Variants in ITIH5 observed in about 807,000 individuals in gnomAD.
The protein encoded by ITIH5 is inter-alpha-trypsin inhibitor heavy chain 5.
In ITIH5, 65 loss-of-function variants were observed where a neutral mutation model predicts 77.5. The ratio of observed to expected loss-of-function variants is 0.84; its 90% CI spans 0.69 to 1.03. The LOEUF is 1.03. Ranked by LOEUF, ITIH5 falls within the 50% of genes least tolerant of loss-of-function variation. ITIH5 has a pLI of 0.00. For missense variants in ITIH5, 1,208 were observed against 1,213.1 expected (o/e 1.00, Z 0.06); for synonymous variants, 525 against 494.3 (o/e 1.06, Z -0.82).
intron 8 of ITIH5, 73 bp downstream of exon 8, chr10:7,585,825 CAAA>C: frequency 5.6e-4 from 482 of 854,876 alleles, no homozygotes; most frequent in Admixed American, 6.9e-4. Flanking sequence ...TATCTCTTGG[CAAA>C]AAAAAAAAAA....
chr10:7,665,011 A>G lies in ITIH5; in HGVS notation c.90+1792T>C, dbSNP rs147152486. On this transcript the variant is annotated intron_variant, in intron 1 of 13. Transcript: ENST00000397146. ...GCTAAAGCCTATGCTCTCAAACCCT[A>G]TATCACAAAAACTAAATATAAAAAA... is the stretch of plus-strand genomic sequence containing the variant. Among the ~76,000 whole-genome samples the G allele has an allele frequency of 9.1e-4, 138 of 152,358 alleles. 1 individual carries two copies. The highest frequency in any genetic ancestry group is 3.2e-3 in the African/African-American group (135 of 41,592).
intron 5 of ITIH5, among the ~76,000 whole-genome samples, chr10:7,632,970 T>A (rs1035057311): frequency 6.6e-6 from 1 of 152,198 alleles, no homozygotes; most frequent in Non-Finnish European, 1.5e-5. Context: ...TGGAAGTTTA[T>A]GAGTTTAGCA....
chr10:7,624,237 G>C (rs374535519), intron 5 of ITIH5, among the ~76,000 whole-genome samples: 1 of 152,206 alleles, frequency 6.6e-6, no homozygotes, highest in East Asian at 1.9e-4. Flanking sequence ...GCCAGGCACA[G>C]TGGCTCATGC....
intron 7 of ITIH5, among the ~76,000 whole-genome samples, chr10:7,610,657 C>T (rs1449774792): frequency 6.6e-6 from 1 of 152,208 alleles, no homozygotes; most frequent in South Asian, 2.1e-4. Flanking sequence ...CACCAATAGA[C>T]ATAACATCAT....
In ITIH5 at chr10:7,639,666, C is replaced by T. The variant is rs531968834; in HGVS notation, c.401+1088G>A. 1.6e-4 allele frequency among the ~76,000 whole-genome samples: 24 copies of T among 152,312 alleles called. No homozygotes were observed. The South Asian group carries it at 5.0e-3, about 32-fold the overall frequency. On this transcript the variant is annotated intron_variant, in intron 4 of 13. Coordinates refer to ENST00000397146, the MANE Select transcript of ITIH5 (RefSeq NM_030569.7). ...TCTGCCAAGGGGATGAAGGCCTACA[C>T]ATTGGGCTGGTGAAGAGGAAAAAAT...
At chr10:7,609,646 G>A (rs11255235) in intron 7 of ITIH5, among the ~76,000 whole-genome samples, 8,097 of 152,224 alleles carry the variant, frequency 0.053, 243 homozygotes, top group Middle Eastern at 0.15. Context: ...AAACATGCTT[G>A]TTCTTTACCC....
At chr10:7,636,836 G>C (rs1833805430) in intron 5 of ITIH5, among the ~76,000 whole-genome samples, 1 of 151,862 alleles carries the variant, frequency 6.6e-6, no homozygotes, top group Non-Finnish European at 1.5e-5. Context: ...GGTGGATCAC[G>C]AGGTCAGGAG....
chr10:7,626,068 C>T (rs1414856641), intron 5 of ITIH5, among the ~76,000 whole-genome samples: 1 of 152,156 alleles, frequency 6.6e-6, no homozygotes, highest in African/African-American at 2.4e-5. Context: ...GTTTCTCTTC[C>T]CGAAAGTGTT....
chr10:7,563,910 G>T (rs1308352028), intron 13 of ITIH5, among the ~76,000 whole-genome samples: 1 of 152,252 alleles, frequency 6.6e-6, no homozygotes, highest in East Asian at 1.9e-4. Flanking sequence ...ATGCTGGGCC[G>T]CCAGGCCCCA....
intron 3 of ITIH5, among the ~76,000 whole-genome samples, 156 bp downstream of exon 3, chr10:7,641,771 A>G (rs1428717209): frequency 6.6e-6 from 1 of 152,090 alleles, no homozygotes; most frequent in Non-Finnish European, 1.5e-5. Context: ...TGAATGAACC[A>G]ACCAATGAAT....
At chr10:7,583,554 G>C (rs1219862670) in intron 8 of ITIH5, among the ~76,000 whole-genome samples, 1 of 152,104 alleles carries the variant, frequency 6.6e-6, no homozygotes, top group Admixed American at 6.5e-5. Flanking sequence ...GGCTGGTCTC[G>C]AGCTCCCGAG....
chr10:7,577,603 C>T (rs542189515), intron 9 of ITIH5, among the ~76,000 whole-genome samples: 7 of 152,222 alleles, frequency 4.6e-5, no homozygotes, highest in Non-Finnish European at 8.8e-5. Context: ...ACCTGACTTT[C>T]GTGAGTTTGT....
chr10:7,581,659 T>C (rs1354111624), intron 8 of ITIH5, among the ~76,000 whole-genome samples: 2 of 151,924 alleles, frequency 1.3e-5, no homozygotes, highest in Non-Finnish European at 2.9e-5. Flanking sequence ...TGCATGTATG[T>C]TACACTACAG....
At chr10:7,628,520 G>C (rs17347791) in intron 5 of ITIH5, among the ~76,000 whole-genome samples, 25,507 of 149,046 alleles carry the variant, frequency 0.17, 2,988 homozygotes, top group Non-Finnish European at 0.24. Flanking sequence ...TAGCATGTAT[G>C]TGCATTGTGG....
rs185209469 is a variant in ITIH5, at chr10:7,656,402, A to G, written c.91-727T>C. Among the ~76,000 whole-genome samples the G allele has an allele frequency of 1.8e-3, 270 of 152,194 alleles. 2 individuals are homozygous for G. The highest frequency in any genetic ancestry group is 3.1e-3 in the Non-Finnish European group (208 of 68,018). ...GGTCATTTTTGTATTTTTTGTAGAG[A>G]CAGGGTCTCGCTATGTTGTCCAGGT... On this transcript the variant is annotated intron_variant, in intron 1 of 13. Transcript: ENST00000397146.
rs1285775934 is a variant in ITIH5 at position 7,577,012 on chromosome 10, C to T, written c.1419G>A (p.Gly473=). The part of the protein sequence containing the change: ...EEEDAGSQLI[G]FYDEIRTPLL... Reference sequence around the variant, plus strand: ...GCGGGGTCCTGATTTCATCGTAGAACCTGCAGTGGAAGCACAGGGAGGGAG... The same window carrying T: ...GCGGGGTCCTGATTTCATCGTAGAATCTGCAGTGGAAGCACAGGGAGGGAG... Residue 473 remains glycine (G), a splice_region_variant and synonymous_variant, in exon 10 of 14, where the codon GGG becomes GGA. Coordinates refer to ENST00000397146, the MANE Select transcript of ITIH5 (RefSeq NM_030569.7). 1.2e-6 allele frequency: 2 copies of T among 1,605,052 alleles called. No homozygotes were observed. Among genetic ancestry groups the T allele is most frequent in the African/African-American group, 1.3e-5 (1 of 74,718 alleles).
intron 7 of ITIH5, among the ~76,000 whole-genome samples, chr10:7,601,803 T>C (rs543557834): frequency 2.4e-4 from 37 of 152,218 alleles, no homozygotes; most frequent in Admixed American, 7.2e-4. Flanking sequence ...GTTGATCACA[T>C]GCATATCACC....
Position 7,616,078 on chromosome 10 carries a change from C to T in ITIH5, c.843G>A (p.Val281=), listed in dbSNP as rs72779162. Residue 281 remains valine, a synonymous_variant, in exon 7 of 14, where the codon GTG becomes GTA. Transcript: ENST00000397146. ...GAAGGTCTTTAGGAGCAAAGTAGTGCACAAAATAGCCATTTAGAACCTGGT... is the reference window on the plus strand; with the variant it reads ...GAAGGTCTTTAGGAGCAAAGTAGTGTACAAAATAGCCATTTAGAACCTGGT... ...GDIQVLNGYF[V]HYFAPKDLPP... The T allele has an allele frequency of 4.5e-3, 7,261 of 1,607,612 alleles. 36 individuals carry two copies. Among genetic ancestry groups the T allele is most frequent in the Non-Finnish European group, 5.6e-3 (6,534 of 1,174,158 alleles).
chr10:7,566,801 AGG>A (rs1564232520), intron 12 of ITIH5, among the ~76,000 whole-genome samples: 350 of 11,798 alleles, frequency 0.03, 101 homozygotes, highest in Admixed American at 0.052. Flanking sequence ...GAAGAAGAAG[AGG>A]AAGAGGAAGA....
Sources: allele counts gnomAD v4.1 joint callset (sites outside exome capture counted in the v4.1 genomes callset), GRCh38; gene constraint gnomAD v4.1.1; transcripts MANE v1.5; gene names NCBI Gene and HGNC (gene_info 2026-07-23, HGNC 2026-07-21).